The following CDH10 variants were observed in gnomAD, a reference collection of about 807,000 sequenced individuals.
CDH10 encodes cadherin-10.
Under a neutral mutation model 73.1 loss-of-function variants are expected in CDH10, and 30 were observed. The observed-to-expected ratio is 0.41, with a 90% confidence interval of 0.31 to 0.56. CDH10 has a LOEUF of 0.56. Among genes scored for constraint, CDH10 ranks in the 20% least tolerant of loss-of-function variants. The probability of loss-of-function intolerance (pLI) is 0.27; values close to 1 mark genes in which losing one functional copy is unlikely to be tolerated. For missense variants in CDH10, 815 were observed against 973.7 expected (o/e 0.84, Z 2.17); for synonymous variants, 345 against 348.2 (o/e 0.99, Z 0.10).
intron 8 of CDH10, among the ~76,000 whole-genome samples, chr5:24,500,548 T>G (rs1399655133): frequency 1.3e-5 from 2 of 152,240 alleles, no homozygotes; most frequent in African/African-American, 4.8e-5. Flanking sequence ...TAGCTGCTGC[T>G]TTGATTCCCA....
At chr5:24,637,126 TA>T (rs1747891822) in intron 1 of CDH10, among the ~76,000 whole-genome samples, 1 of 152,088 alleles carries the variant, frequency 6.6e-6, no homozygotes, top group East Asian at 1.9e-4. Flanking sequence ...AGCTGGAATA[TA>T]ACAAGTCATG....
intron 5 of CDH10, among the ~76,000 whole-genome samples, chr5:24,512,148 T>TA (rs769846593): frequency 6.6e-6 from 1 of 152,188 alleles, no homozygotes; most frequent in East Asian, 1.9e-4. Flanking sequence ...AAATAAAAGT[T>TA]AAAAAATATT....
chr5:24,505,015 T>G lies in CDH10; in HGVS notation c.1393+97A>C, dbSNP rs184607550. 16 of 844,606 alleles carry G rather than the reference T, an allele frequency of 1.9e-5. No homozygotes were observed. In the East Asian group the frequency reaches 1.9e-4, roughly 10 times the overall value. 52.3% of individuals were successfully genotyped at this position (844,606 alleles called of 1,614,324 possible). On this transcript the variant is annotated intron_variant, in intron 8 of 11. Coordinates refer to ENST00000264463, the MANE Select transcript of CDH10 (RefSeq NM_006727.5). ...CTGTCCAATGAGAATGAATTATTTTTAATGTAAAATAAAACCTATAAAATA... is the reference window on the plus strand; with the variant it reads ...CTGTCCAATGAGAATGAATTATTTTGAATGTAAAATAAAACCTATAAAATA...
At chr5:24,518,807 C>T (rs77690399) in intron 5 of CDH10, among the ~76,000 whole-genome samples, 1,659 of 150,630 alleles carry the variant, frequency 0.011, 37 homozygotes, top group African/African-American at 0.038. Context: ...TGACCTACAT[C>T]GGAGAAGGAT....
intron 1 of CDH10, among the ~76,000 whole-genome samples, chr5:24,637,435 G>T (rs1264893559): frequency 6.6e-6 from 1 of 151,940 alleles, no homozygotes; most frequent in Non-Finnish European, 1.5e-5. Context: ...TCATAAAAAT[G>T]GAAACATTTA....
chr5:24,564,492 T>A (rs1745094241), intron 2 of CDH10, among the ~76,000 whole-genome samples: 1 of 152,058 alleles, frequency 6.6e-6, no homozygotes, highest in South Asian at 2.1e-4. Flanking sequence ...ATGGTAGAGG[T>A]CAGATCCTGG....
chr5:24,548,671 C>T (rs1361494390), intron 2 of CDH10, among the ~76,000 whole-genome samples: 2 of 152,028 alleles, frequency 1.3e-5, no homozygotes, highest in African/African-American at 2.4e-5. Context: ...TGTACCACAT[C>T]TTAGCCAACT....
chr5:24,563,597 C>CAAAAAAAAAAAAAAAAAA (rs70965616), intron 2 of CDH10, among the ~76,000 whole-genome samples: 3 of 88,704 alleles, frequency 3.4e-5, no homozygotes, highest in Admixed American at 1.4e-4. Context: ...ACTAAAAATA[C>CAAAAAAAAAAAAAAAAAA]AAAAAAAAAA....
At chr5:24,489,490 TATGCACATG>T (rs1741971040) in intron 11 of CDH10, among the ~76,000 whole-genome samples, 1 of 152,150 alleles carries the variant, frequency 6.6e-6, no homozygotes, top group Non-Finnish European at 1.5e-5. Context: ...TTCATATATT[TATGCACATG>T]AAAATGTGTA....
intron 1 of CDH10, among the ~76,000 whole-genome samples, chr5:24,624,549 A>G (rs1301882694): frequency 1.3e-5 from 2 of 152,170 alleles, no homozygotes; most frequent in Non-Finnish European, 2.9e-5. Context: ...GCTAAAGTCT[A>G]AATGACTTCA....
chr5:24,558,441 A>G (rs1289926814), intron 2 of CDH10, among the ~76,000 whole-genome samples: 1 of 151,764 alleles, frequency 6.6e-6, no homozygotes, highest in African/African-American at 2.4e-5. Flanking sequence ...AATAATAGTA[A>G]CTATTCAAAT....
chr5:24,622,327 T>C (rs1220510493), intron 1 of CDH10, among the ~76,000 whole-genome samples: 7 of 152,140 alleles, frequency 4.6e-5, no homozygotes, highest in Admixed American at 4.6e-4. Context: ...AGAATATATC[T>C]GATCGCAATT....
intron 1 of CDH10, among the ~76,000 whole-genome samples, chr5:24,615,855 G>A (rs540028622): frequency 1.3e-5 from 2 of 152,286 alleles, no homozygotes; most frequent in African/African-American, 4.8e-5. Flanking sequence ...GCATGAGGAG[G>A]TCCTTACTGT....
intron 2 of CDH10, among the ~76,000 whole-genome samples, chr5:24,559,061 T>C (rs6892384): frequency 0.83 from 125,678 of 151,718 alleles, 52,096 homozygotes; most frequent in East Asian, 0.9. Flanking sequence ...TTTAACTTGT[T>C]TTTCTAGTAG....
chr5:24,530,016 C>CTTTTTTTTT (rs34282847), intron 5 of CDH10, among the ~76,000 whole-genome samples: 1 of 121,846 alleles, frequency 8.2e-6, no homozygotes, highest in Non-Finnish European at 1.6e-5. Flanking sequence ...TCTATTTTTA[C>CTTTTTTTTT]TTTTTTTTTT....
chr5:24,599,880 T>C (rs1746502168), intron 1 of CDH10, among the ~76,000 whole-genome samples: 1 of 152,146 alleles, frequency 6.6e-6, no homozygotes, highest in South Asian at 2.1e-4. Flanking sequence ...TGCACAATAC[T>C]AAAAACCCAC....
chr5:24,518,397 G>T (rs754535478), intron 5 of CDH10, among the ~76,000 whole-genome samples: 1 of 151,554 alleles, frequency 6.6e-6, no homozygotes. Context: ...ACATATATAT[G>T]CACGTATACA....
chr5:24,491,468 A>G (rs1742050799), intron 11 of CDH10, 108 bp downstream of exon 11: 2 of 813,444 alleles, frequency 2.5e-6, no homozygotes, highest in Admixed American at 5.0e-5. Flanking sequence ...ATTTATGTCT[A>G]TCTTAAAATT....
intron 2 of CDH10, among the ~76,000 whole-genome samples, chr5:24,550,850 T>A (rs1744516909): frequency 6.6e-6 from 1 of 152,162 alleles, no homozygotes; most frequent in Non-Finnish European, 1.5e-5. Context: ...GTATCTCCAA[T>A]TCCTTCTCAC....
Sources: allele counts gnomAD v4.1 joint callset (sites outside exome capture counted in the v4.1 genomes callset), GRCh38; gene constraint gnomAD v4.1.1; transcripts MANE v1.5; gene names NCBI Gene and HGNC (gene_info 2026-07-23, HGNC 2026-07-21).